Variants in BDP1 observed in about 807,000 individuals in gnomAD.
The protein encoded by BDP1 is BDP1 general transcription factor IIIB subunit.
In BDP1, 169 loss-of-function variants were observed where a neutral mutation model predicts 266.6. The observed-to-expected ratio is 0.63, with a 90% CI of 0.56 to 0.72. BDP1 has a LOEUF of 0.72. Ranked by LOEUF, BDP1 falls within the 30% of genes least tolerant of loss-of-function variation. The pLI, the probability that BDP1 is intolerant of heterozygous loss-of-function variation, is 0.00. For synonymous variants in BDP1, 1,090 were observed against 1,022.4 expected (o/e 1.07, Z -1.26); for missense variants, 3,015 against 3,053.8 (o/e 0.99, Z 0.30).
At chr5:71,576,869 A>AAGGC in the BDP1 span, among the ~76,000 whole-genome samples, 1 of 151,984 alleles carries the variant, frequency 6.6e-6, no homozygotes, top group Non-Finnish European at 1.5e-5. Flanking sequence ...GATGATATGG[A>AAGGC]AGGCAGCATT....
rs190797551 is a variant in BDP1, at chr5:71,533,820, T to C, written c.5892+1393T>C. The stretch of plus-strand genomic sequence containing the variant: ...GTGAAGTGGTGTCACATTGTGGTTT[T>C]GATTTGTATTTCCTTGGTGACTAAT... On this transcript the variant is annotated intron_variant, in intron 26 of 38. Transcript: ENST00000358731. 1.9e-4 allele frequency among the ~76,000 whole-genome samples: 29 copies of C among 152,290 alleles called. 1 individual carries two copies. In the East Asian group the frequency reaches 5.6e-3, roughly 29 times the overall value.
At chr5:71,544,722 T>C (rs1400975286) in intron 31 of BDP1, among the ~76,000 whole-genome samples, 3 of 151,364 alleles carry the variant, frequency 2.0e-5, no homozygotes, top group African/African-American at 7.3e-5. Flanking sequence ...TACTAAAAAA[T>C]ACAAAAAATT....
chr5:71,564,975 A>T lies in BDP1; in HGVS notation c.*90A>T, dbSNP rs1268903647. On this transcript the variant is annotated 3_prime_UTR_variant, in exon 39 of 39. Transcript: ENST00000358731. ...AAAACAGTATTTAGAGCAAAATATCACTGTCTTATTTTTCTTTAGGTTGAT... is the reference window on the plus strand; with the variant it reads ...AAAACAGTATTTAGAGCAAAATATCTCTGTCTTATTTTTCTTTAGGTTGAT... 3 of 1,201,258 alleles carry T rather than the reference A, an allele frequency of 2.5e-6. No individual in the cohort carries two copies. The highest frequency in any genetic ancestry group is 3.5e-6 in the Non-Finnish European group (3 of 862,852). 74.4% of individuals were successfully genotyped at this position (1,201,258 alleles called of 1,614,324 possible).
In BDP1 at chr5:71,538,674, G is replaced by T. The variant is rs1032880854; in HGVS notation, c.5893-368G>T. On this transcript the variant is annotated intron_variant, in intron 26 of 38. Transcript: ENST00000358731. Reference sequence around the variant, plus strand: ...AGCTACGTAGTAGTATAAAAATTTTGCAATACCCTTTAGGCCTTGGTTTCC... The same window carrying T: ...AGCTACGTAGTAGTATAAAAATTTTTCAATACCCTTTAGGCCTTGGTTTCC... 5.8e-3 allele frequency among the ~76,000 whole-genome samples: 877 copies of T among 152,268 alleles called. 13 individuals are homozygous for T. The highest frequency in any genetic ancestry group is 0.02 in the African/African-American group (840 of 41,558).
At position 71,544,462 on chromosome 5, in the gene BDP1, G is replaced by T. The variant is rs764347060; in HGVS notation, c.6518G>T (p.Gly2173Val). ...KDQSKLACVH[G>V]IKGTSISSEV... The stretch of plus-strand genomic sequence containing the variant: ...CAGAGCAAATTGGCATGTGTACATG[G>T]TATCAAAGGGACCAGTATTTCTTCA... The change falls in exon 31 of 39, where the codon GGT (glycine) becomes GTT (valine). Residue 2173 changes from glycine (G) to valine (V), a missense_variant. Around this residue, in one of 3 missense-constraint regions of BDP1, gnomAD observed 629 missense variants for 632.5 expected, o/e 0.99. Transcript: ENST00000358731. The T allele has an allele frequency of 6.2e-7, 1 of 1,613,838 alleles. No homozygotes were observed. The highest frequency in any genetic ancestry group is 1.7e-5 in the Admixed American group (1 of 59,972).
chr5:71,512,570 A>C (rs1294553401), intron 18 of BDP1, 142 bp downstream of exon 18: 1 of 524,230 alleles, frequency 1.9e-6, no homozygotes, highest in African/African-American at 2.0e-5. Flanking sequence ...GAGAGGATTG[A>C]GGTCACTCTG....
chr5:71,554,402 T>G (rs1264009996), intron 35 of BDP1, among the ~76,000 whole-genome samples: 1 of 152,230 alleles, frequency 6.6e-6, no homozygotes, highest in Non-Finnish European at 1.5e-5. Flanking sequence ...CATTGTCTCT[T>G]GACTCTGCTT....
intron 11 of BDP1, among the ~76,000 whole-genome samples, chr5:71,493,537 T>C (rs1478955483): frequency 2.0e-5 from 3 of 152,212 alleles, no homozygotes; most frequent in Admixed American, 1.3e-4. Context: ...TAGCTTTTTC[T>C]AATTTAGGGG....
At chr5:71,552,689 G>A (rs1443614476) in intron 34 of BDP1, among the ~76,000 whole-genome samples, 2 of 134,354 alleles carry the variant, frequency 1.5e-5, no homozygotes, top group African/African-American at 2.6e-5. Context: ...GTGTGGTGTC[G>A]CGCGCCTGCA....
At chr5:71,546,357 G>A (rs1471451728) in intron 32 of BDP1, among the ~76,000 whole-genome samples, 2 of 151,906 alleles carry the variant, frequency 1.3e-5, no homozygotes, top group Non-Finnish European at 2.9e-5. Context: ...GGTAGCTCAC[G>A]CCTGTAATCC....
At chr5:71,483,743 A>T (rs148514246) in intron 7 of BDP1, 99 bp from the exon 8 acceptor site, 14 of 835,440 alleles carry the variant, frequency 1.7e-5, no homozygotes, top group Non-Finnish European at 2.6e-5. Context: ...AGAGAGCAGT[A>T]TGTTATTCCT....
In BDP1 at chr5:71,510,150, T is replaced by C. The variant is rs746722677; in HGVS notation, c.3058T>C (p.Ser1020Pro). Residue 1020 changes from serine (S) to proline (P), a missense_variant, in exon 17 of 39, where the codon TCT (serine) becomes CCT (proline). This residue lies in a region of BDP1 where 2,383 missense variants were observed against 2,404.9 expected (regional missense o/e 0.99). Coordinates refer to ENST00000358731, the MANE Select transcript of BDP1 (RefSeq NM_018429.3). The stretch of plus-strand genomic sequence containing the variant: ...TTTGAACGCAACTGGAAGAGAGAGT[T>C]CTCCAAGGGAGAAGACACCAGAGGT... Reference protein sequence around the residue: ...TDLNATGRESSPREKTPEVID... With the variant: ...TDLNATGRESPPREKTPEVID... 1.9e-6 allele frequency: 3 copies of C among 1,613,228 alleles called. No homozygotes were observed. Among genetic ancestry groups the C allele is most frequent in the Non-Finnish European group, 1.7e-6 (2 of 1,179,846 alleles).
chr5:71,462,062 A>G (rs1579975535), intron 3 of BDP1, 136 bp downstream of exon 3: 1 of 581,326 alleles, frequency 1.7e-6, no homozygotes, highest in East Asian at 3.0e-5. Flanking sequence ...TCCCAGGTTC[A>G]AGCGATTCTC....
intron 34 of BDP1, among the ~76,000 whole-genome samples, chr5:71,551,619 G>A (rs565632242): frequency 7.2e-5 from 11 of 152,242 alleles, no homozygotes; most frequent in Non-Finnish European, 1.2e-4. Context: ...TCAATGAGCC[G>A]CTGGGCACAC....
In BDP1 at chr5:71,524,174, G is replaced by A. The variant is rs201260888; in HGVS notation, c.5623G>A (p.Asp1875Asn). Residue 1875 changes from aspartate to asparagine, a missense_variant, in exon 25 of 39, where the codon GAT becomes AAT. Transcript: ENST00000358731. ...GACTCTTCGGGCTTCCCAGGAAGAA[G>A]ATGATGATGCTGACGATTTTGAGTC... ...LVTLRASQEE[D>N]DDADDFESDY... The A allele has an allele frequency of 2.9e-4, 465 of 1,614,090 alleles. No individual in the cohort carries two copies. Among genetic ancestry groups the A allele is most frequent in the Non-Finnish European group, 2.8e-4 (328 of 1,180,044 alleles).
rs536589496 is a variant in BDP1, at chr5:71,469,582, T to A, written c.920-813T>A. On this transcript the variant is annotated intron_variant, in intron 6 of 38. Transcript: ENST00000358731. Reference sequence around the variant, plus strand: ...GATCAGCTAGGCAGAATGAATGTTTTAAAAAAAAAATTCCAGATGCTTTTG... The same window carrying A: ...GATCAGCTAGGCAGAATGAATGTTTAAAAAAAAAAATTCCAGATGCTTTTG... Among the ~76,000 whole-genome samples the A allele has an allele frequency of 9.3e-5, 14 of 150,780 alleles. No homozygotes were observed. In the East Asian group the frequency reaches 1.7e-3, roughly 19 times the overall value.
chr5:71,525,593 C>T (rs1165600720), intron 25 of BDP1, among the ~76,000 whole-genome samples: 1 of 82,502 alleles, frequency 1.2e-5, no homozygotes, highest in Admixed American at 9.8e-5. Flanking sequence ...GGGGGGCTGA[C>T]CCCCCAACCT....
rs1261391219 is a variant in BDP1 at position 71,491,282 on chromosome 5, G to A, written c.1640+151G>A. The A allele has an allele frequency of 7.3e-6, 5 of 680,456 alleles. No homozygotes were observed. The Admixed American group carries it at 1.3e-4, about 17-fold the overall frequency. 42.2% of individuals were successfully genotyped at this position (680,456 alleles called of 1,614,324 possible). A position where few individuals can be genotyped will look rare whatever the true frequency, so the allele number is the denominator to read the frequency against. ...ATATATTTTGAAGCTCTGTTGTTAG[G>A]TGTGTACATATCTAGGATTGTTTTG... On this transcript the variant is annotated intron_variant, in intron 11 of 38. Coordinates refer to ENST00000358731, the MANE Select transcript of BDP1 (RefSeq NM_018429.3).
intron 29 of BDP1, 42 bp from the exon 30 acceptor site, chr5:71,542,063 G>C: frequency 4.6e-6 from 7 of 1,517,388 alleles, no homozygotes; most frequent in Non-Finnish European, 5.4e-6. Flanking sequence ...GAGAGAGCAA[G>C]ATCTAACATG....
Sources: gnomAD v4.1 joint callset for allele counts (sites outside exome capture counted in the v4.1 genomes callset) on GRCh38, gnomAD v4.1.1 for gene constraint, gnomAD v4.1.1 regional missense constraint, MANE v1.5 for transcripts, NCBI Gene and HGNC (gene_info 2026-07-23, HGNC 2026-07-21) for gene names.